VAC14: variants seen among roughly 807,000 people sequenced by gnomAD.
The protein encoded by VAC14 is protein VAC14 homolog.
Under a neutral mutation model 85.3 loss-of-function variants are expected in VAC14, and 47 were observed. The observed-to-expected ratio is 0.55, with a 90% CI of 0.44 to 0.70. The LOEUF is 0.70. VAC14 is among the 30% of genes least tolerant of loss of function. VAC14 has a pLI of 0.00. For missense variants in VAC14, 861 were observed against 1,004.3 expected, an observed-to-expected ratio of 0.86 and a Z score of 1.93; for synonymous variants, 447 against 430.5, an observed-to-expected ratio of 1.04 and a Z score of -0.47.
In VAC14 at chr16:70,689,483, A is replaced by G. The variant is rs1055098509; in HGVS notation, c.2187-1393T>C. ...CTGACAGTTGCTTCAGGTGGCCACC[A>G]GCCTGCTGGGCAGGACCAGGGCAGG... On this transcript the variant is annotated intron_variant, in intron 18 of 18. Coordinates refer to ENST00000261776, the MANE Select transcript of VAC14 (RefSeq NM_018052.5). The G allele has an allele frequency of 3.0e-6, 3 of 985,162 alleles. No individual in the cohort carries two copies. In the Admixed American group the frequency reaches 1.8e-4, roughly 61 times the overall value. 61.0% of individuals were successfully genotyped at this position (985,162 alleles called of 1,614,324 possible).
chr16:70,773,680 CAA>C (rs1489950019), intron 9 of VAC14, among the ~76,000 whole-genome samples: 3 of 152,116 alleles, frequency 2.0e-5, no homozygotes. Context: ...AGAAAAGTTG[CAA>C]AAAGAGTAAA....
chr16:70,799,870 G>C (rs2143378145), intron 1 of VAC14, among the ~76,000 whole-genome samples: 1 of 152,328 alleles, frequency 6.6e-6, no homozygotes, highest in African/African-American at 2.4e-5. Flanking sequence ...TGTGGCTATT[G>C]AACACTTGAA....
At chr16:70,780,745 T>C in intron 9 of VAC14, 45 bp downstream of exon 9, 1 of 1,529,348 alleles carries the variant, frequency 6.5e-7, no homozygotes, top group Non-Finnish European at 8.8e-7. Flanking sequence ...TCTGGCTCCC[T>C]GGGCCCCCGA....
At chr16:70,760,498 C>A (rs368878301) in intron 12 of VAC14, among the ~76,000 whole-genome samples, 32 of 152,190 alleles carry the variant, frequency 2.1e-4, no homozygotes, top group African/African-American at 5.1e-4. Context: ...TCCCCAAATC[C>A]CTCCTCTAGA....
At chr16:70,714,680 G>A (rs1477423450) in intron 14 of VAC14, 1 of 152,266 alleles carries the variant, frequency 6.6e-6, no homozygotes, top group Non-Finnish European at 1.5e-5. Flanking sequence ...CCATGGCAGG[G>A]ATGTCTGCGG....
intron 14 of VAC14, among the ~76,000 whole-genome samples, chr16:70,729,625 T>C (rs1250956329): frequency 6.6e-6 from 1 of 152,056 alleles, no homozygotes; most frequent in African/African-American, 2.4e-5. Context: ...CCTTTACCTC[T>C]CTGGCCCTTC....
chr16:70,783,084 C>A lies in VAC14; in HGVS notation c.760G>T (p.Val254Leu). 1 of 1,614,210 alleles carries A rather than the reference C, an allele frequency of 6.2e-7. No individual in the cohort carries two copies. The highest frequency in any genetic ancestry group is 1.1e-5 in the South Asian group (1 of 91,090). Residue 254 changes from valine (V) to leucine (L), a missense_variant, in exon 7 of 19, where the codon GTG becomes TTG. Val to Leu is a conservative substitution (Grantham distance 32). Coordinates refer to ENST00000261776, the MANE Select transcript of VAC14 (RefSeq NM_018052.5). ...ATGTTGGCCATCTCAGCAAACTTCA[C>A]ACTGGAGGGGTTCTTCTTAATTTCT... ...LKEIKKNPSS[V>L]KFAEMANILV...
intron 10 of VAC14, among the ~76,000 whole-genome samples, chr16:70,764,378 G>A (rs1427335699): frequency 6.6e-6 from 1 of 152,154 alleles, no homozygotes; most frequent in Non-Finnish European, 1.5e-5. Flanking sequence ...TCACGTGGCT[G>A]GAAGTTCCTG....
chr16:70,760,962 G>GT lies in VAC14; in HGVS notation c.1371+1577_1371+1578insA, dbSNP rs2032283824. Among the ~76,000 whole-genome samples the GT allele has an allele frequency of 6.3e-5, 3 of 47,626 alleles. 1 individual carries two copies. The highest frequency in any genetic ancestry group is 2.3e-3 in the South Asian group (2 of 864). The allele number at this position is 47,626 out of a possible 152,430, so 31.2% of individuals were successfully genotyped here. A position where few individuals can be genotyped will look rare whatever the true frequency, so the allele number is the denominator to read the frequency against. ...TGCAGGGGGTGGTGCACGAAGAGAG[G>GT]GTGTGTGTGTGTGTGTGTGTGTGTG... On this transcript the variant is annotated intron_variant, in intron 12 of 18. Transcript: ENST00000261776.
intron 1 of VAC14, among the ~76,000 whole-genome samples, chr16:70,789,115 A>T (rs2034205732): frequency 1.3e-5 from 2 of 152,202 alleles, no homozygotes; most frequent in Non-Finnish European, 2.9e-5. Context: ...GGACTCAAAC[A>T]GTAACAGTTT....
rs1207207079 is a variant in VAC14, at chr16:70,689,262, T to G, written c.2187-1172A>C. 3.0e-6 allele frequency: 3 copies of G among 985,484 alleles called. No individual in the cohort carries two copies. In the African/African-American group the frequency reaches 5.2e-5, roughly 17 times the overall value. The allele number at this position is 985,484 out of a possible 1,614,324, so 61.0% of individuals were successfully genotyped here. A position where few individuals can be genotyped will look rare whatever the true frequency, so the allele number is the denominator to read the frequency against. On this transcript the variant is annotated intron_variant, in intron 18 of 18. Transcript: ENST00000261776. ...CACGATGTGTAAGAGCTTCACCTGG[T>G]ATCCAGCCCCAGCTTAGGTATCTGG... is the stretch of plus-strand genomic sequence containing the variant.
chr16:70,796,702 TA>T (rs546165166), intron 1 of VAC14, among the ~76,000 whole-genome samples: 32 of 152,326 alleles, frequency 2.1e-4, no homozygotes, highest in Admixed American at 1.7e-3. Context: ...AGCTTTTCTA[TA>T]TCCTCCCAAC....
chr16:70,744,760 T>A, intron 12 of VAC14, 181 bp from the exon 13 acceptor site: 1 of 630,030 alleles, frequency 1.6e-6, no homozygotes, highest in Non-Finnish European at 2.6e-6. Flanking sequence ...TGAAACAAAG[T>A]ATCCAGAATG....
intron 17 of VAC14, among the ~76,000 whole-genome samples, chr16:70,695,226 C>G (rs552853869): frequency 9.2e-5 from 14 of 152,060 alleles, no homozygotes; most frequent in African/African-American, 3.4e-4. Flanking sequence ...ATCCTCCTAC[C>G]TCAGCCTTCT....
chr16:70,707,695 C>T (rs866273770), intron 14 of VAC14, among the ~76,000 whole-genome samples: 152 of 152,286 alleles, frequency 1.0e-3, no homozygotes, highest in African/African-American at 1.4e-3. Flanking sequence ...CTGAACTGCC[C>T]AGGGTGGAGT....
At chr16:70,773,921 A>C (rs2033380657) in intron 9 of VAC14, among the ~76,000 whole-genome samples, 1 of 151,720 alleles carries the variant, frequency 6.6e-6, no homozygotes, top group Non-Finnish European at 1.5e-5. Context: ...ACGTACCATT[A>C]AGCCCGGATA....
At chr16:70,694,540 T>C (rs778704250) in intron 17 of VAC14, among the ~76,000 whole-genome samples, 2 of 152,160 alleles carry the variant, frequency 1.3e-5, no homozygotes, top group South Asian at 2.1e-4. Context: ...CTTCAGCCCC[T>C]GCATTCAATT....
intron 14 of VAC14, among the ~76,000 whole-genome samples, chr16:70,721,921 C>CAGCACAGG (rs2054303492): frequency 1.3e-5 from 2 of 152,178 alleles, no homozygotes; most frequent in African/African-American, 2.4e-5. Context: ...TCTTTCCCCA[C>CAGCACAGG]AGCACAGGAG....
chr16:70,790,168 C>T (rs888848282), intron 1 of VAC14, among the ~76,000 whole-genome samples: 3 of 152,166 alleles, frequency 2.0e-5, no homozygotes, highest in Non-Finnish European at 4.4e-5. Context: ...TGAGGTGACT[C>T]GGGGCAGGCC....
Sources: gnomAD v4.1 joint callset for allele counts (sites outside exome capture counted in the v4.1 genomes callset) on GRCh38, gnomAD v4.1.1 for gene constraint, MANE v1.5 for transcripts, NCBI Gene and HGNC (gene_info 2026-07-23, HGNC 2026-07-21) for gene names.